DROSHA: variants seen among roughly 807,000 people sequenced by gnomAD.
DROSHA encodes drosha ribonuclease III.
DROSHA carries 56 observed loss-of-function variants against 181.9 expected under a neutral mutation model. The ratio of observed to expected loss-of-function variants is 0.31; its 90% CI spans 0.25 to 0.38. The LOEUF is 0.38. DROSHA is among the 10% of genes least tolerant of loss of function. The probability of loss-of-function intolerance (pLI) is 1.00; values close to 1 mark genes in which losing one functional copy is unlikely to be tolerated. For synonymous variants in DROSHA, 524 were observed against 591.2 expected, an observed-to-expected ratio of 0.89 and a Z score of 1.65; for missense variants, 1,218 against 1,743.5, an observed-to-expected ratio of 0.70 and a Z score of 5.37.
At chr5:31,481,980 T>G (rs1238849698) in intron 16 of DROSHA, among the ~76,000 whole-genome samples, 1 of 152,102 alleles carries the variant, frequency 6.6e-6, no homozygotes, top group Non-Finnish European at 1.5e-5. Flanking sequence ...TGGCTGTGAA[T>G]GGACAAGGGC....
rs1741311819 is a variant in DROSHA, at chr5:31,411,581, A to G, written c.3526-694T>C. 6.6e-6 allele frequency among the ~76,000 whole-genome samples: 1 copy of G among 152,114 alleles called. No individual in the cohort carries two copies. Among genetic ancestry groups the G allele is most frequent in the African/African-American group, 2.4e-5 (1 of 41,450 alleles). On this transcript the variant is annotated intron_variant, in intron 30 of 35. Coordinates refer to ENST00000344624, the MANE Select transcript of DROSHA (RefSeq NM_001382508.1). The surrounding 1 kb of genome is among the most constrained non-coding windows in gnomAD (Gnocchi z 4.2). ...TTATTTACATTTTTATTTTATTATT[A>G]TTTTAAAGATTTATGGTATCTAGCT... is the stretch of plus-strand genomic sequence containing the variant.
Position 31,470,558 on chromosome 5 carries a change from G to A in DROSHA, c.2241+1505C>T, listed in dbSNP as rs1238043173. On this transcript the variant is annotated intron_variant, in intron 17 of 35. Coordinates refer to ENST00000344624, the MANE Select transcript of DROSHA (RefSeq NM_001382508.1). This position sits in a 1 kb window ranked among gnomAD's most constrained non-coding sequence, Gnocchi z 4.0. Reference sequence around the variant, plus strand: ...ACAAATTAGTTGAATGATGATCATGGTGATCATAAACTTCATCTATGCCAC... The same window carrying A: ...ACAAATTAGTTGAATGATGATCATGATGATCATAAACTTCATCTATGCCAC... 3.9e-5 allele frequency among the ~76,000 whole-genome samples: 6 copies of A among 152,124 alleles called. No homozygotes were observed. The highest frequency in any genetic ancestry group is 2.9e-5 in the Non-Finnish European group (2 of 68,028).
At chr5:31,421,729 C>T (rs1742681090) in intron 29 of DROSHA, 2 of 182,626 alleles carry the variant, frequency 1.1e-5, no homozygotes, top group African/African-American at 4.8e-5. Context: ...CTTTTCTTTG[C>T]TAAATTTATT....
intron 20 of DROSHA, among the ~76,000 whole-genome samples, chr5:31,457,179 A>G (rs1305522857): frequency 3.2e-5 from 4 of 126,308 alleles, no homozygotes; most frequent in African/African-American, 1.2e-4. Context: ...GCTGGAGTTC[A>G]GTGGCGTGAT....
intron 15 of DROSHA, among the ~76,000 whole-genome samples, chr5:31,484,378 C>T (rs1751464802): frequency 5.6e-5 from 2 of 35,922 alleles, no homozygotes. Context: ...GAGACTCCGT[C>T]TCAAAAAAAA....
At chr5:31,468,369 C>A (rs532468793) in intron 17 of DROSHA, among the ~76,000 whole-genome samples, 1 of 152,322 alleles carries the variant, frequency 6.6e-6, no homozygotes, top group South Asian at 2.1e-4. Context: ...TTTTCCTTAA[C>A]CTCTCTGAAG....
At chr5:31,440,512 GA>G (rs1745446458) in intron 23 of DROSHA, among the ~76,000 whole-genome samples, 1 of 152,130 alleles carries the variant, frequency 6.6e-6, no homozygotes, top group South Asian at 2.1e-4. Context: ...CCACATTTTG[GA>G]ATTTTACAGG....
intron 5 of DROSHA, among the ~76,000 whole-genome samples, chr5:31,525,503 CAAAAAAAAA>C (rs397970711): frequency 2.8e-5 from 1 of 36,156 alleles, no homozygotes; most frequent in African/African-American, 9.0e-5. Flanking sequence ...GATTCTGTCA[CAAAAAAAAA>C]AAAAAAAAAA....
Position 31,504,593 on chromosome 5 carries a change from G to T in DROSHA, c.1630C>A (p.Arg544Ser), listed in dbSNP as rs763318231. Residue 544 changes from arginine to serine, a missense_variant, in exon 11 of 36, where the codon CGC becomes AGC. Transcript: ENST00000344624. ...TAAATGCTGTGCCTAATTCCTGTGC[G>T]TCTTGCCTTTGCGCTGCATTTGCAG... ...PLCKCSAKAR[R>S]TGIRHSIYPG... 3.1e-6 allele frequency: 5 copies of T among 1,613,898 alleles called. No individual in the cohort carries two copies. Among genetic ancestry groups the T allele is most frequent in the Admixed American group, 1.7e-5 (1 of 60,002 alleles).
In DROSHA at chr5:31,526,415, GA is replaced by G; in HGVS notation, c.517del (p.Ser173LeufsTer53). 6.2e-7 allele frequency: 1 copy of G among 1,613,200 alleles called. No homozygotes were observed. Among genetic ancestry groups the G allele is most frequent in the Non-Finnish European group, 8.5e-7 (1 of 1,179,770 alleles). ...QVNYQYPPGY[S>X]HHNFPPPSFN... ...ACTGGGAGGTGGGAAGTTGTGGTGA[GA>G]ATAGCCCGGAGGGTACTGATAATTA... On this transcript the variant is annotated frameshift_variant, in exon 5 of 36. Coordinates refer to ENST00000344624, the MANE Select transcript of DROSHA (RefSeq NM_001382508.1). LOFTEE classifies it high-confidence loss of function.
At chr5:31,523,842 G>A (rs1580384831) in intron 5 of DROSHA, among the ~76,000 whole-genome samples, 1 of 151,718 alleles carries the variant, frequency 6.6e-6, no homozygotes, top group East Asian at 1.9e-4. Flanking sequence ...GGGCTTGGTG[G>A]CAGGTGCCTG....
At chr5:31,475,545 C>T (rs1457111737) in intron 16 of DROSHA, among the ~76,000 whole-genome samples, 1 of 152,118 alleles carries the variant, frequency 6.6e-6, no homozygotes, top group Non-Finnish European at 1.5e-5. Flanking sequence ...CACATGCATA[C>T]ACACAGAACA....
intron 23 of DROSHA, among the ~76,000 whole-genome samples, chr5:31,444,630 AT>A (rs1233604867): frequency 8.5e-5 from 13 of 152,208 alleles, no homozygotes; most frequent in Admixed American, 8.5e-4. Flanking sequence ...GTACATGTCT[AT>A]GGTGTTCATG....
intron 4 of DROSHA, 112 bp from the exon 5 acceptor site, chr5:31,527,024 A>G: frequency 1.0e-6 from 1 of 990,018 alleles, no homozygotes; most frequent in Non-Finnish European, 1.5e-6. Context: ...AAGACCCCCT[A>G]GTCAAGCCAC....
At chr5:31,484,332 C>A in intron 15 of DROSHA, among the ~76,000 whole-genome samples, 1 of 136,684 alleles carries the variant, frequency 7.3e-6, no homozygotes, top group Non-Finnish European at 1.5e-5. Flanking sequence ...CGAGATTGCG[C>A]CACTGCAGTC....
intron 13 of DROSHA, among the ~76,000 whole-genome samples, chr5:31,489,440 A>C (rs1036713870): frequency 6.6e-6 from 1 of 152,030 alleles, no homozygotes; most frequent in Admixed American, 6.6e-5. Context: ...TCTCAGACAC[A>C]CAAATTTGGA....
intron 24 of DROSHA, 147 bp downstream of exon 24, chr5:31,437,092 A>C: frequency 1.2e-6 from 1 of 828,400 alleles, no homozygotes; most frequent in South Asian, 1.8e-5. Context: ...GGCCACAGAC[A>C]TGTGGCTTCT....
chr5:31,519,116 AT>A (rs1739587621), intron 6 of DROSHA, among the ~76,000 whole-genome samples: 1 of 152,048 alleles, frequency 6.6e-6, no homozygotes, highest in Non-Finnish European at 1.5e-5. Context: ...TCCATTTCTA[AT>A]TTTTATTTTC....
chr5:31,404,968 T>G (rs1043676407), intron 35 of DROSHA, among the ~76,000 whole-genome samples: 1 of 152,160 alleles, frequency 6.6e-6, no homozygotes, highest in African/African-American at 2.4e-5. Context: ...CAGAGAAGTA[T>G]GTAATAACAG....
Sources: gnomAD v4.1 joint callset for allele counts (sites outside exome capture counted in the v4.1 genomes callset) on GRCh38, gnomAD v4.1.1 for gene constraint, Gnocchi (gnomAD v3.1) non-coding constraint, MANE v1.5 for transcripts, NCBI Gene and HGNC (gene_info 2026-07-23, HGNC 2026-07-21) for gene names.